The following PTPRA variants were observed in gnomAD, a reference collection of about 807,000 sequenced individuals.
PTPRA encodes the protein protein tyrosine phosphatase receptor type A.
PTPRA carries 25 observed loss-of-function variants against 104.8 expected under a neutral mutation model. The ratio of observed to expected loss-of-function variants is 0.24; its 90% CI spans 0.17 to 0.33. PTPRA has a LOEUF of 0.33. Among genes scored for constraint, PTPRA ranks in the 10% least tolerant of loss-of-function variants. The pLI is 1.00. For missense variants in PTPRA, 765 were observed against 1,015.3 expected (o/e 0.75, Z 3.35); for synonymous variants, 323 against 368.9 (o/e 0.88, Z 1.43).
intron 20 of PTPRA, among the ~76,000 whole-genome samples, chr20:3,028,521 A>G (rs934527788): frequency 6.6e-6 from 1 of 152,240 alleles, no homozygotes; most frequent in Non-Finnish European, 1.5e-5. Context: ...TACAGCCTCT[A>G]CTAAGCACAT....
In PTPRA at chr20:2,964,959, T is replaced by C. The variant is rs929813838; in HGVS notation, c.172T>C (p.Ser58Pro). ...KTSNPTSSLT[S>P]LSVAPTFSPN... The stretch of plus-strand genomic sequence containing the variant: ...TTCAAATCCAACTTCTTCACTAACT[T>C]CTCTTTCTGTGGCACCAACATTCAG... The change falls in exon 5 of 24, where the codon TCT becomes CCT. Residue 58 changes from serine to proline, a missense_variant. By Grantham distance (74) the Ser-to-Pro change is moderately conservative. Coordinates refer to ENST00000399903, the MANE Select transcript of PTPRA (RefSeq NM_001385305.1). 4 of 1,613,766 alleles carry C rather than the reference T, an allele frequency of 2.5e-6. No homozygotes were observed. The highest frequency in any genetic ancestry group is 3.4e-6 in the Non-Finnish European group (4 of 1,179,766).
intron 2 of PTPRA, among the ~76,000 whole-genome samples, chr20:2,934,862 G>C (rs1450467095): frequency 1.3e-5 from 2 of 151,926 alleles, no homozygotes; most frequent in East Asian, 3.9e-4. Flanking sequence ...AGTCAAGACG[G>C]TGTTTCGCCA....
chr20:2,994,798 C>T (rs949971267), intron 9 of PTPRA, among the ~76,000 whole-genome samples: 8 of 152,230 alleles, frequency 5.3e-5, no homozygotes, highest in African/African-American at 1.9e-4. Flanking sequence ...GTTACACTAC[C>T]TGCAGAAGTT....
chr20:3,027,131 CAG>C lies in PTPRA; in HGVS notation c.1722_1723del (p.Arg574SerfsTer6). 6.2e-7 allele frequency: 1 copy of C among 1,614,060 alleles called. No homozygotes were observed. The highest frequency in any genetic ancestry group is 1.1e-5 in the South Asian group (1 of 91,082). On this transcript the variant is annotated frameshift_variant, in exon 19 of 24. Transcript: ENST00000399903. LOFTEE classifies it high-confidence loss of function. ...CTATTCTTCTTACAGATGAATTCAA[CAG>C]AGTGATCATTCCAGTTAAGCGGGGC... ...VLQIIPYEFNRVIIPVKRGEE... is the reference protein window; with the variant it reads ...VLQIIPYEFNXVIIPVKRGEE...
At chr20:2,982,532 G>A (rs2062726893) in intron 6 of PTPRA, among the ~76,000 whole-genome samples, 1 of 152,070 alleles carries the variant, frequency 6.6e-6, no homozygotes. Flanking sequence ...GGTGTACAGT[G>A]AGAATGAAGC....
intron 18 of PTPRA, 66 bp downstream of exon 18, chr20:3,026,846 T>C (rs599538): frequency 0.55 from 728,011 of 1,335,084 alleles, 206,021 homozygotes; most frequent in African/African-American, 0.86. Flanking sequence ...ACCCCTTCCA[T>C]TTCTCAGGTA....
chr20:3,000,552 A>G (rs2063582742), intron 9 of PTPRA, among the ~76,000 whole-genome samples: 1 of 152,196 alleles, frequency 6.6e-6, no homozygotes. Context: ...AAAGATACCT[A>G]TACCTGAAAT....
intron 1 of PTPRA, among the ~76,000 whole-genome samples, chr20:2,875,968 TGGAAG>T (rs1472870705): frequency 2.6e-5 from 4 of 152,100 alleles, no homozygotes; most frequent in African/African-American, 9.7e-5. Flanking sequence ...AACTTGGTGG[TGGAAG>T]GAATCCACTG....
In PTPRA at chr20:3,037,113, G is replaced by A. The variant is rs1444714464; in HGVS notation, c.2199-41G>A. The A allele has an allele frequency of 6.2e-7, 1 of 1,605,204 alleles. No homozygotes were observed. The highest frequency in any genetic ancestry group is 1.1e-5 in the South Asian group (1 of 89,474). On this transcript the variant is annotated intron_variant, in intron 22 of 23. Coordinates refer to ENST00000399903, the MANE Select transcript of PTPRA (RefSeq NM_001385305.1). This position sits in a 1 kb window ranked among gnomAD's most constrained non-coding sequence, Gnocchi z 4.3. Reference sequence around the variant, plus strand: ...ACTGTCACTCACCCCCTTGCACAGAGGGCCATCACAGGTGTGGTAAATGTG... The same window carrying A: ...ACTGTCACTCACCCCCTTGCACAGAAGGCCATCACAGGTGTGGTAAATGTG...
At chr20:3,002,218 G>GT (rs2063663558) in intron 9 of PTPRA, among the ~76,000 whole-genome samples, 1 of 151,506 alleles carries the variant, frequency 6.6e-6, no homozygotes, top group Non-Finnish European at 1.5e-5. Flanking sequence ...CCTTTATTCA[G>GT]TCTTTTTTTA....
chr20:2,917,962 G>A (rs985448697), intron 1 of PTPRA, among the ~76,000 whole-genome samples: 41 of 151,720 alleles, frequency 2.7e-4, no homozygotes, highest in Non-Finnish European at 5.7e-4. Flanking sequence ...AGTGGCAGGC[G>A]CCTGTAATCC....
intron 17 of PTPRA, 38 bp downstream of exon 17, chr20:3,024,659 A>T: frequency 1.2e-6 from 2 of 1,609,036 alleles, no homozygotes; most frequent in Non-Finnish European, 1.7e-6. Context: ...AGATTGAAGG[A>T]TCCTTGTAAT....
At chr20:2,936,618 G>A (rs1239739033) in intron 2 of PTPRA, among the ~76,000 whole-genome samples, 1 of 150,966 alleles carries the variant, frequency 6.6e-6, no homozygotes. Flanking sequence ...ATGCCATCAT[G>A]CCTGGCTAAT....
At chr20:3,008,742 A>C (rs1568693804) in intron 11 of PTPRA, among the ~76,000 whole-genome samples, 2 of 118,760 alleles carry the variant, frequency 1.7e-5, no homozygotes, top group Non-Finnish European at 3.2e-5. Flanking sequence ...AAAAAAAAAA[A>C]AACAAAAAAA....
chr20:2,959,939 A>C (rs962726536), intron 3 of PTPRA, among the ~76,000 whole-genome samples: 17 of 152,166 alleles, frequency 1.1e-4, no homozygotes, highest in Admixed American at 7.9e-4. Flanking sequence ...CAACAGAGTG[A>C]GACTCCGTCC....
At chr20:3,014,255 A>G (rs1397738385) in intron 11 of PTPRA, among the ~76,000 whole-genome samples, 1 of 152,224 alleles carries the variant, frequency 6.6e-6, no homozygotes, top group Non-Finnish European at 1.5e-5. Flanking sequence ...TTTGTTGCTG[A>G]CTAAACATAT....
At chr20:2,936,803 C>T (rs773931569) in intron 2 of PTPRA, among the ~76,000 whole-genome samples, 12 of 151,966 alleles carry the variant, frequency 7.9e-5, no homozygotes, top group Non-Finnish European at 1.6e-4. Flanking sequence ...AGAATCAGTT[C>T]TACTAATTTC....
At chr20:2,885,436 G>A (rs1049647942) in intron 1 of PTPRA, among the ~76,000 whole-genome samples, 7 of 152,168 alleles carry the variant, frequency 4.6e-5, no homozygotes, top group African/African-American at 1.7e-4. Flanking sequence ...AAAGAATCTA[G>A]GCATTGGTCA....
At chr20:2,997,598 G>A (rs1050257278) in intron 9 of PTPRA, among the ~76,000 whole-genome samples, 1 of 152,184 alleles carries the variant, frequency 6.6e-6, no homozygotes, top group African/African-American at 2.4e-5. Flanking sequence ...ATATGTGACA[G>A]GCTAAAAGGA....
Sources: gnomAD v4.1 joint callset for allele counts (sites outside exome capture counted in the v4.1 genomes callset) on GRCh38, gnomAD v4.1.1 for gene constraint, Gnocchi (gnomAD v3.1) non-coding constraint, MANE v1.5 for transcripts, NCBI Gene and HGNC (gene_info 2026-07-23, HGNC 2026-07-21) for gene names.